Variants in UTS2B observed in about 807,000 individuals in gnomAD.
The protein encoded by UTS2B is urotensin-2B.
Under a neutral mutation model 19.2 loss-of-function variants are expected in UTS2B, and 21 were observed. The ratio of observed to expected loss-of-function variants is 1.09; its 90% CI spans 0.78 to 1.58. The LOEUF (loss-of-function observed/expected upper bound fraction) is 1.58. Among genes scored for constraint, UTS2B ranks in the 40% most tolerant of loss-of-function variants. The pLI is 0.00. For missense variants in UTS2B, 138 were observed against 130.3 expected (o/e 1.06, Z -0.29); for synonymous variants, 57 against 50.2 (o/e 1.14, Z -0.58).
the UTS2B span, among the ~76,000 whole-genome samples, chr3:191,337,495 C>A: frequency 6.6e-6 from 1 of 151,964 alleles, no homozygotes; most frequent in East Asian, 1.9e-4. Flanking sequence ...CAGTTGCCCG[C>A]CACTATGCCC....
At chr3:191,341,448 C>T in the UTS2B span, among the ~76,000 whole-genome samples, 2 of 152,076 alleles carry the variant, frequency 1.3e-5, no homozygotes, top group Admixed American at 1.3e-4. Context: ...ATATTTGAGT[C>T]CTGATCTGTA....
chr3:191,330,176 A>T (rs888877543), intron 1 of UTS2B, among the ~76,000 whole-genome samples: 1 of 151,944 alleles, frequency 6.6e-6, no homozygotes, highest in Non-Finnish European at 1.5e-5. Flanking sequence ...TTCTCTCCCT[A>T]CTTTTCCTAG....
At chr3:191,330,607 A>G (rs182969158), upstream of UTS2B, 100 of 152,314 alleles carry the variant, frequency 6.6e-4, no homozygotes, top group Non-Finnish European at 6.6e-4. Flanking sequence ...CTAAGTTCCA[A>G]GGGCTTTGCA....
chr3:191,322,236 G>T (rs897619218), intron 2 of UTS2B, among the ~76,000 whole-genome samples: 1 of 152,174 alleles, frequency 6.6e-6, no homozygotes, highest in Non-Finnish European at 1.5e-5. Flanking sequence ...CTATCCAAAA[G>T]AAACTCAAGT....
At chr3:191,335,716 C>T in the UTS2B span, among the ~76,000 whole-genome samples, 1 of 152,082 alleles carries the variant, frequency 6.6e-6, no homozygotes, top group Non-Finnish European at 1.5e-5. Context: ...TTCTAATAAA[C>T]CAGAACCAGT....
At chr3:191,318,483 T>G (rs1216314350) in intron 2 of UTS2B, among the ~76,000 whole-genome samples, 7 of 152,230 alleles carry the variant, frequency 4.6e-5, no homozygotes, top group African/African-American at 1.7e-4. Context: ...TATTTTTTAT[T>G]TTTGAGACGC....
At chr3:191,297,739 T>G (rs1043449338) in intron 4 of UTS2B, among the ~76,000 whole-genome samples, 2 of 152,214 alleles carry the variant, frequency 1.3e-5, no homozygotes, top group Admixed American at 6.5e-5. Flanking sequence ...TATTCAGCAT[T>G]ACACCTGGCA....
At chr3:191,322,245 G>C (rs547164029) in intron 2 of UTS2B, among the ~76,000 whole-genome samples, 6 of 152,176 alleles carry the variant, frequency 3.9e-5, no homozygotes, top group Non-Finnish European at 7.3e-5. Flanking sequence ...AGAAACTCAA[G>C]TGTTGAGCAT....
intron 4 of UTS2B, among the ~76,000 whole-genome samples, chr3:191,283,211 T>A (rs1394126229): frequency 2.6e-5 from 4 of 152,228 alleles, no homozygotes; most frequent in African/African-American, 9.6e-5. Context: ...GGCTTGTTTT[T>A]CCTTTACAGT....
In UTS2B at chr3:191,267,568, T is replaced by C. The variant is rs1190385288; in HGVS notation, c.*848A>G. On this transcript the variant is annotated 3_prime_UTR_variant, in exon 9 of 9. Coordinates refer to ENST00000340524, the MANE Select transcript of UTS2B (RefSeq NM_198152.5). ...CAGACACACACAAGATAGTGAAAGC[T>C]GGGTCCAGGGGGGTCACCACCTTCT... 1 of 152,202 alleles carries C rather than the reference T, an allele frequency of 6.6e-6. No individual in the cohort carries two copies. The highest frequency in any genetic ancestry group is 6.5e-5 in the Admixed American group (1 of 15,278). 9.4% of individuals were successfully genotyped at this position (152,202 alleles called of 1,614,324 possible).
rs35925883 is a variant in UTS2B at position 191,294,124 on chromosome 3, A to AAAACAAAC, written c.-125+10360_-125+10367dup. 3.9e-4 allele frequency among the ~76,000 whole-genome samples: 59 copies of AAAACAAAC among 150,780 alleles called. 1 individual carries two copies. In the South Asian group the frequency reaches 4.0e-3, roughly 10 times the overall value. On this transcript the variant is annotated intron_variant, in intron 4 of 8. Coordinates refer to ENST00000340524, the MANE Select transcript of UTS2B (RefSeq NM_198152.5). ...AACCCATCTCAAAAAAACAAAAACA[A>AAAACAAAC]AAACAAACAAACAAACAAACAAAGT...
At chr3:191,273,037 G>A (rs1050654419) in intron 8 of UTS2B, among the ~76,000 whole-genome samples, 5 of 151,774 alleles carry the variant, frequency 3.3e-5, no homozygotes, top group African/African-American at 7.3e-5. Flanking sequence ...GCTTGGTGGC[G>A]CCCACCTGTA....
chr3:191,330,333 G>T, intron 1 of UTS2B, 81 bp downstream of exon 1: 1 of 143,394 alleles, frequency 7.0e-6, no homozygotes, highest in Non-Finnish European at 1.5e-5. Context: ...ACACACAATA[G>T]TGAGCGAGGG....
the UTS2B span, among the ~76,000 whole-genome samples, chr3:191,338,136 G>A: frequency 2.6e-5 from 4 of 152,090 alleles, no homozygotes; most frequent in Non-Finnish European, 5.9e-5. Flanking sequence ...TGACTTATAA[G>A]GATATCTTTC....
intron 4 of UTS2B, among the ~76,000 whole-genome samples, chr3:191,291,616 C>A (rs1187720434): frequency 1.3e-5 from 2 of 152,058 alleles, no homozygotes; most frequent in African/African-American, 2.4e-5. Flanking sequence ...CCACACCTGG[C>A]CAATTATTTG....
the UTS2B span, among the ~76,000 whole-genome samples, chr3:191,340,527 A>G: frequency 6.6e-6 from 1 of 152,202 alleles, no homozygotes; most frequent in Non-Finnish European, 1.5e-5. Context: ...TCTACTCAAC[A>G]GTTTTCCTTC....
chr3:191,273,606 A>T (rs1445480993), intron 8 of UTS2B: 1 of 456,548 alleles, frequency 2.2e-6, no homozygotes. Context: ...CAAGCATTGG[A>T]CTCGATTCCC....
At chr3:191,303,893 A>G (rs1405417069) in intron 4 of UTS2B, among the ~76,000 whole-genome samples, 1 of 152,174 alleles carries the variant, frequency 6.6e-6, no homozygotes, top group Non-Finnish European at 1.5e-5. Flanking sequence ...TGAGGCACAC[A>G]CTTAGTTAGG....
chr3:191,294,377 T>G (rs553180326), intron 4 of UTS2B, among the ~76,000 whole-genome samples: 3 of 151,942 alleles, frequency 2.0e-5, no homozygotes, highest in African/African-American at 7.3e-5. Context: ...AAATTAGCAG[T>G]GCCTTTGTAA....
Sources: gnomAD v4.1 joint callset for allele counts (sites outside exome capture counted in the v4.1 genomes callset) on GRCh38, gnomAD v4.1.1 for gene constraint, MANE v1.5 for transcripts, NCBI Gene and HGNC (gene_info 2026-07-23, HGNC 2026-07-21) for gene names.